ANKRD11: variants seen among roughly 807,000 people sequenced by gnomAD.
ANKRD11 encodes the protein ankyrin repeat domain 11.
A neutral mutation model predicts 195.7 loss-of-function variants in ANKRD11; 17 were observed. The ratio of observed to expected loss-of-function variants is 0.09; its 90% CI spans 0.06 to 0.13. The LOEUF (loss-of-function observed/expected upper bound fraction) is 0.13. Among genes scored for constraint, ANKRD11 ranks in the 10% least tolerant of loss-of-function variants. The pLI is 1.00. For synonymous variants in ANKRD11, 1,953 were observed against 1,528.1 expected (o/e 1.28, Z -6.49); for missense variants, 3,735 against 3,566.1 (o/e 1.05, Z -1.21).
intron 2 of ANKRD11, among the ~76,000 whole-genome samples, chr16:89,357,965 T>G (rs2039561964): frequency 6.6e-6 from 1 of 152,250 alleles, no homozygotes; most frequent in South Asian, 2.1e-4. Context: ...TCAGATTTAG[T>G]TATGATGCTC....
chr16:89,455,760 T>C (rs1274145365), intron 1 of ANKRD11, among the ~76,000 whole-genome samples: 2 of 152,210 alleles, frequency 1.3e-5, no homozygotes, highest in Non-Finnish European at 2.9e-5. Context: ...ATTGGGGCTG[T>C]ACATTTTGAC....
intron 9 of ANKRD11, among the ~76,000 whole-genome samples, chr16:89,276,419 G>C (rs1395543048): frequency 2.0e-5 from 3 of 152,186 alleles, no homozygotes; most frequent in Admixed American, 1.3e-4. Context: ...CACCACAGAG[G>C]GAGAGACTTC....
At chr16:89,485,752 C>T (rs538483659) in intron 1 of ANKRD11, among the ~76,000 whole-genome samples, 2 of 152,288 alleles carry the variant, frequency 1.3e-5, no homozygotes, top group Admixed American at 6.5e-5. Flanking sequence ...ACCTCCATTT[C>T]GTTGTCTTTC....
intron 2 of ANKRD11, among the ~76,000 whole-genome samples, chr16:89,366,285 G>C (rs983765418): frequency 4.6e-5 from 7 of 152,128 alleles, no homozygotes; most frequent in African/African-American, 1.7e-4. Flanking sequence ...TGCTGCAATG[G>C]ACATTCGCCC....
chr16:89,313,552 C>T lies in ANKRD11; in HGVS notation c.87+3381G>A, dbSNP rs77306628. 1,451 of 1,289,130 alleles carry T rather than the reference C, an allele frequency of 1.1e-3. 11 individuals are homozygous for T. The African/African-American group carries it at 0.017, about 15-fold the overall frequency. 79.9% of individuals were successfully genotyped at this position (1,289,130 alleles called of 1,614,324 possible). ...TTGTGGGCTCCATTTCCATCTTCCA[C>T]GTATATGTCACTGAGATCACGATTC... On this transcript the variant is annotated intron_variant, in intron 3 of 12. Transcript: ENST00000301030.
chr16:89,358,301 G>C (rs1011157443), intron 2 of ANKRD11, among the ~76,000 whole-genome samples: 3 of 152,222 alleles, frequency 2.0e-5, no homozygotes, highest in Admixed American at 6.5e-5. Context: ...CTTCCCTTCT[G>C]TTGGCCACAT....
intron 2 of ANKRD11, among the ~76,000 whole-genome samples, chr16:89,362,694 T>G (rs1229648486): frequency 2.0e-5 from 3 of 152,260 alleles, no homozygotes; most frequent in African/African-American, 7.2e-5. Context: ...CAATGTACTT[T>G]ATGTTCTTAG....
Position 89,291,938 on chromosome 16 carries a change from G to T in ANKRD11, c.227-755C>A. On this transcript the variant is annotated intron_variant, in intron 4 of 12. Coordinates refer to ENST00000301030, the MANE Select transcript of ANKRD11 (RefSeq NM_013275.6). This position sits in a 1 kb window ranked among gnomAD's most constrained non-coding sequence, Gnocchi z 5.3. The stretch of plus-strand genomic sequence containing the variant: ...TCACGTGCTGTGTCTTTTAAAAGAG[G>T]CAGGAGGCAGGGGCGGGGAAGAGAA... 1 of 430,244 alleles carries T rather than the reference G, an allele frequency of 2.3e-6. No homozygotes were observed. Among genetic ancestry groups the T allele is most frequent in the South Asian group, 1.8e-5 (1 of 55,982 alleles). 26.7% of individuals were successfully genotyped at this position (430,244 alleles called of 1,614,324 possible).
At chr16:89,340,165 C>T (rs1009464538) in intron 2 of ANKRD11, among the ~76,000 whole-genome samples, 2 of 152,236 alleles carry the variant, frequency 1.3e-5, no homozygotes, top group Non-Finnish European at 2.9e-5. Context: ...GAATTTCTAG[C>T]AAGAAACTGT....
chr16:89,362,923 G>A (rs908577496), intron 2 of ANKRD11, among the ~76,000 whole-genome samples: 11 of 151,978 alleles, frequency 7.2e-5, no homozygotes, highest in South Asian at 2.1e-4. Flanking sequence ...GTGAGGTCCC[G>A]TTCCAGCCAA....
intron 2 of ANKRD11, among the ~76,000 whole-genome samples, 173 bp from the exon 3 acceptor site, chr16:89,317,251 AG>A (rs1295707093): frequency 6.6e-6 from 1 of 152,212 alleles, no homozygotes; most frequent in Non-Finnish European, 1.5e-5. Flanking sequence ...CCTCCCATAA[AG>A]GGGTCACCAG....
At chr16:89,462,343 T>C (rs374329078) in intron 1 of ANKRD11, among the ~76,000 whole-genome samples, 1 of 152,202 alleles carries the variant, frequency 6.6e-6, no homozygotes, top group African/African-American at 2.4e-5. Context: ...GGTGCCGGGA[T>C]TGCAGACGGA....
chr16:89,328,005 T>C (rs991091280), intron 2 of ANKRD11, among the ~76,000 whole-genome samples: 9 of 152,190 alleles, frequency 5.9e-5, no homozygotes, highest in African/African-American at 9.7e-5. Context: ...GGCTTGTATG[T>C]AGAAGAAAGA....
At chr16:89,489,917 C>T (rs1268638492) in intron 1 of ANKRD11, among the ~76,000 whole-genome samples, 1 of 144,668 alleles carries the variant, frequency 6.9e-6, no homozygotes, top group Non-Finnish European at 1.5e-5. Flanking sequence ...CCGGAGCCCC[C>T]GTCCGCCCCT....
intron 2 of ANKRD11, among the ~76,000 whole-genome samples, chr16:89,351,508 G>A (rs145522469): frequency 2.3e-4 from 35 of 152,262 alleles, no homozygotes; most frequent in African/African-American, 7.9e-4. Flanking sequence ...ATTCAAAGAG[G>A]ATCCTAGCGA....
chr16:89,274,492 C>T (rs944984242), intron 11 of ANKRD11, among the ~76,000 whole-genome samples: 8 of 152,192 alleles, frequency 5.3e-5, no homozygotes, highest in African/African-American at 1.2e-4. Context: ...ATAATGCCAG[C>T]GCTGACACCC....
rs187581511 is a variant in ANKRD11, at chr16:89,399,686, G to A, written c.-60+18598C>T. The stretch of plus-strand genomic sequence containing the variant: ...GTGATGATGACACTGTCTCCAGGGC[G>A]GTCGCGACTATAACAAATGGCCGCT... On this transcript the variant is annotated intron_variant, in intron 2 of 12. Coordinates refer to ENST00000301030, the MANE Select transcript of ANKRD11 (RefSeq NM_013275.6). Among the ~76,000 whole-genome samples the A allele has an allele frequency of 3.7e-3, 567 of 152,306 alleles. 11 individuals carry two copies. Among genetic ancestry groups the A allele is most frequent in the Admixed American group, 0.028 (434 of 15,302 alleles).
At position 89,277,924 on chromosome 16, in the gene ANKRD11, G is replaced by A. The variant is rs565817538; in HGVS notation, c.7470+1148C>T. 25 of 157,270 alleles carry A rather than the reference G, an allele frequency of 1.6e-4. No homozygotes were observed. The South Asian group carries it at 4.3e-3, about 27-fold the overall frequency. The allele number at this position is 157,270 out of a possible 1,614,324, so 9.7% of individuals were successfully genotyped here. ...GCCAGCACGGCGAGGGGCCTCAGGCGGCCTGGGCCCACAGAGCCAACGCGT... is the reference window on the plus strand; with the variant it reads ...GCCAGCACGGCGAGGGGCCTCAGGCAGCCTGGGCCCACAGAGCCAACGCGT... On this transcript the variant is annotated intron_variant, in intron 9 of 12. Coordinates refer to ENST00000301030, the MANE Select transcript of ANKRD11 (RefSeq NM_013275.6).
chr16:89,387,894 C>G (rs1461698030), intron 2 of ANKRD11, among the ~76,000 whole-genome samples: 1 of 150,102 alleles, frequency 6.7e-6, no homozygotes, highest in Non-Finnish European at 1.5e-5. Context: ...CGGGTCTCCC[C>G]AACTACTGGG....
Sources: gnomAD v4.1 joint callset for allele counts (sites outside exome capture counted in the v4.1 genomes callset) on GRCh38, gnomAD v4.1.1 for gene constraint, Gnocchi (gnomAD v3.1) non-coding constraint, MANE v1.5 for transcripts, NCBI Gene and HGNC (gene_info 2026-07-23, HGNC 2026-07-21) for gene names.